Variants in MAST3 observed in about 807,000 individuals in gnomAD.
MAST3 encodes the protein microtubule-associated serine/threonine-protein kinase 3.
Under a neutral mutation model 127.0 loss-of-function variants are expected in MAST3, and 43 were observed. The observed-to-expected ratio is 0.34, with a 90% confidence interval of 0.27 to 0.44. The LOEUF (loss-of-function observed/expected upper bound fraction) is 0.44, where lower values mean the gene tolerates loss of function less well. MAST3 is among the 20% of genes least tolerant of loss of function. The pLI, the probability that MAST3 is intolerant of heterozygous loss-of-function variation, is 1.00. For missense variants in MAST3, 1,390 were observed against 1,919.1 expected, an observed-to-expected ratio of 0.72 and a Z score of 5.15; for synonymous variants, 785 against 809.2, an observed-to-expected ratio of 0.97 and a Z score of 0.51.
Position 18,110,388 on chromosome 19 carries a change from G to T in MAST3, c.72-264G>T, listed in dbSNP as rs879758353. On this transcript the variant is annotated intron_variant, in intron 2 of 27. Coordinates refer to ENST00000687212, the MANE Select transcript of MAST3 (RefSeq NM_001393504.1). This position sits in a 1 kb window ranked among gnomAD's most constrained non-coding sequence, Gnocchi z 4.3. ...TCGAGTGAGTGTTGGGCAGGGCGGG[G>T]GTATGCGGGGTGCAGGGAGGACAGG... is the stretch of plus-strand genomic sequence containing the variant. 5 of 985,442 alleles carry T rather than the reference G, an allele frequency of 5.1e-6. No individual in the cohort carries two copies. Among genetic ancestry groups the T allele is most frequent in the South Asian group, 4.7e-5 (1 of 21,302 alleles). The allele number at this position is 985,442 out of a possible 1,614,324, so 61.0% of individuals were successfully genotyped here.
Position 18,124,366 on chromosome 19 carries a change from G to A in MAST3, c.945G>A (p.Leu315=), listed in dbSNP as rs755280460. 5.6e-6 allele frequency: 9 copies of A among 1,597,680 alleles called. No homozygotes were observed. The highest frequency in any genetic ancestry group is 5.1e-6 in the Non-Finnish European group (6 of 1,171,992). ...GGCCAGCTCGGCTGCTGGAGTGTCT[G>A]GTAAGTTTCTCTTTCTACGGCCAGC... The part of the protein sequence containing the change: ...ISRPARLLEC[L]EFDPEEFYHL... Residue 315 remains leucine (L), a splice_region_variant and synonymous_variant, in exon 10 of 28, where the codon CTG becomes CTA. Transcript: ENST00000687212.
Position 18,124,678 on chromosome 19 carries a change from G to A in MAST3, c.982G>A (p.Ala328Thr). The A allele has an allele frequency of 6.2e-7, 1 of 1,609,020 alleles. No individual in the cohort carries two copies. The highest frequency in any genetic ancestry group is 1.1e-5 in the South Asian group (1 of 90,646). ...TGAGGAATTTTACCACCTGCTGGAG[G>A]CGGCTGAGGGCCATGCGCGGGAGGG... is the stretch of plus-strand genomic sequence containing the variant. ...DPEEFYHLLE[A>T]AEGHAREGQG... The change falls in exon 11 of 28, where the codon GCG (alanine) becomes ACG (threonine). Residue 328 changes from alanine to threonine, a missense_variant. Physicochemically the swap from Ala to Thr is moderately conservative, Grantham distance 58. This residue lies in a region of MAST3 where 277 missense variants were observed against 384.8 expected (regional missense o/e 0.72). Transcript: ENST00000687212.
intron 11 of MAST3, 34 bp from the exon 12 acceptor site, chr19:18,128,360 GCAGGGA>G: frequency 6.6e-7 from 1 of 1,504,104 alleles, no homozygotes. Context: ...GCAGGGTGAG[GCAGGGA>G]GGCTCCAGCT....
At position 18,124,588 on chromosome 19, in the gene MAST3, AG is replaced by A. The variant is rs1318891340; in HGVS notation, c.946-53del. On this transcript the variant is annotated intron_variant, in intron 10 of 27. Transcript: ENST00000687212. ...TCCAGGCAGAGGGAACAGCATGTGC[AG>A]AGGCCTGCAGGTGGAACCAAGCCCT... is the stretch of plus-strand genomic sequence containing the variant. 36 of 1,519,022 alleles carry A rather than the reference AG, an allele frequency of 2.4e-5. No individual in the cohort carries two copies. The African/African-American group carries it at 4.4e-4, about 19-fold the overall frequency. The allele number at this position is 1,519,022 out of a possible 1,614,324, so 94.1% of individuals were successfully genotyped here.
Position 18,142,005 on chromosome 19 carries a change from G to A in MAST3, c.2329G>A (p.Ala777Thr). ...AGTGGACTATGGCCGCCGGCTGAGT[G>A]CTGACATCCGGTAAGTGGCCTGGGG... ...SEVDYGRRLS[A>T]DIRLRSWTSS... The change falls in exon 21 of 28, where the codon GCT (alanine) becomes ACT (threonine). Residue 777 changes from alanine (A) to threonine (T), a missense_variant. Transcript: ENST00000687212. The A allele has an allele frequency of 6.7e-7, 1 of 1,498,384 alleles. No homozygotes were observed. 92.8% of individuals were successfully genotyped at this position (1,498,384 alleles called of 1,614,324 possible).
At chr19:18,109,998 G>T in intron 2 of MAST3, 1 of 985,326 alleles carries the variant, frequency 1.0e-6, no homozygotes, top group Non-Finnish European at 1.2e-6. Flanking sequence ...CTTCCGGGGC[G>T]CAGCTCGGGG....
In MAST3 at chr19:18,110,394, C is replaced by T. The variant is rs2038452669; in HGVS notation, c.72-258C>T. 1.3e-5 allele frequency: 13 copies of T among 985,506 alleles called. No homozygotes were observed. Among genetic ancestry groups the T allele is most frequent in the Non-Finnish European group, 1.6e-5 (13 of 829,958 alleles). 61.0% of individuals were successfully genotyped at this position (985,506 alleles called of 1,614,324 possible). A position where few individuals can be genotyped will look rare whatever the true frequency, so the allele number is the denominator to read the frequency against. ...GAGTGTTGGGCAGGGCGGGGGTATG[C>T]GGGGTGCAGGGAGGACAGGATGACA... is the stretch of plus-strand genomic sequence containing the variant. On this transcript the variant is annotated intron_variant, in intron 2 of 27. Coordinates refer to ENST00000687212, the MANE Select transcript of MAST3 (RefSeq NM_001393504.1). This position sits in a 1 kb window ranked among gnomAD's most constrained non-coding sequence, Gnocchi z 4.3.
intron 17 of MAST3, 30 bp downstream of exon 17, chr19:18,135,012 G>C: frequency 6.4e-7 from 1 of 1,564,954 alleles, no homozygotes. Flanking sequence ...CTGGGTTTGA[G>C]CTGCAGCCCC....
At position 18,135,714 on chromosome 19, in the gene MAST3, C is replaced by T. The variant is rs756601357; in HGVS notation, c.1871-26C>T. 70 of 1,562,338 alleles carry T rather than the reference C, an allele frequency of 4.5e-5. No homozygotes were observed. In the Middle Eastern group the frequency reaches 1.2e-3, roughly 26 times the overall value. ...TACCCTGCCTTCTCCCTCCCTCCCT[C>T]ATTTTACCTCCCTCCCTCATTTTAG... is the stretch of plus-strand genomic sequence containing the variant. On this transcript the variant is annotated intron_variant, in intron 17 of 27. Transcript: ENST00000687212.
chr19:18,145,928 T>G lies in MAST3; in HGVS notation c.3162+63T>G. The G allele has an allele frequency of 6.7e-7, 1 of 1,501,610 alleles. No individual in the cohort carries two copies. Among genetic ancestry groups the G allele is most frequent in the Non-Finnish European group, 8.8e-7 (1 of 1,133,064 alleles). 93.0% of individuals were successfully genotyped at this position (1,501,610 alleles called of 1,614,324 possible). ...GCACCCCTTGGCCGCAGCTCCCGGT[T>G]CCCCGTGGTTCTCCGCGTCCAGACA... On this transcript the variant is annotated intron_variant, in intron 25 of 27. Coordinates refer to ENST00000687212, the MANE Select transcript of MAST3 (RefSeq NM_001393504.1). The surrounding 1 kb of genome is among the most constrained non-coding windows in gnomAD (Gnocchi z 5.9).
intron 3 of MAST3, among the ~76,000 whole-genome samples, chr19:18,118,465 G>C (rs887397204): frequency 6.6e-6 from 1 of 152,134 alleles, no homozygotes; most frequent in Non-Finnish European, 1.5e-5. Flanking sequence ...GTGTCTGTCC[G>C]CCAGCGTCGC....
Position 18,144,151 on chromosome 19 carries a change from A to T in MAST3, c.2584+144A>T, listed in dbSNP as rs1307331237. The stretch of plus-strand genomic sequence containing the variant: ...GAGGAGAAGCCAGGGTCCCAGAGAG[A>T]CCCCCAGCCCCCAAGGAACCCCAGT... On this transcript the variant is annotated intron_variant, in intron 22 of 27. Transcript: ENST00000687212. The surrounding 1 kb of genome is among the most constrained non-coding windows in gnomAD (Gnocchi z 4.0). 68 of 1,229,714 alleles carry T rather than the reference A, an allele frequency of 5.5e-5. No individual in the cohort carries two copies. The highest frequency in any genetic ancestry group is 7.3e-5 in the Non-Finnish European group (66 of 909,698). The allele number at this position is 1,229,714 out of a possible 1,614,324, so 76.2% of individuals were successfully genotyped here. A position where few individuals can be genotyped will look rare whatever the true frequency, so the allele number is the denominator to read the frequency against.
intron 15 of MAST3, among the ~76,000 whole-genome samples, chr19:18,132,298 G>A (rs751921143): frequency 2.6e-5 from 4 of 152,184 alleles, no homozygotes; most frequent in African/African-American, 4.8e-5. Flanking sequence ...GGGAAGGCCG[G>A]TGCACTTATG....
chr19:18,108,352 T>G (rs780489441), intron 2 of MAST3, among the ~76,000 whole-genome samples: 2 of 40,354 alleles, frequency 5.0e-5, no homozygotes, highest in Middle Eastern at 0.012. Flanking sequence ...GTAGGTTGGG[T>G]TTTTTTTTTT....
intron 11 of MAST3, among the ~76,000 whole-genome samples, chr19:18,128,112 G>A (rs1474635073): frequency 6.6e-6 from 1 of 152,188 alleles, no homozygotes; most frequent in Non-Finnish European, 1.5e-5. Flanking sequence ...TGACACCCAG[G>A]GGGCCTGTGT....
chr19:18,144,629 C>T lies in MAST3; in HGVS notation c.2748C>T (p.Gly916=), dbSNP rs757196083. ...CCTCCTCCAGCGGTGGCAGTGGTGG[C>T]GGCAGTGGGGGCCGCGTGCCCAAGT... The part of the protein sequence containing the change: ...SRASSSGGSG[G]GSGGRVPKSA... The change falls in exon 23 of 28, where the codon GGC becomes GGT. Residue 916 remains glycine (G), a synonymous_variant. Coordinates refer to ENST00000687212, the MANE Select transcript of MAST3 (RefSeq NM_001393504.1). This position sits in a 1 kb window ranked among gnomAD's most constrained non-coding sequence, Gnocchi z 4.0. 15 of 1,611,378 alleles carry T rather than the reference C, an allele frequency of 9.3e-6. No individual in the cohort carries two copies. The highest frequency in any genetic ancestry group is 4.5e-5 in the East Asian group (2 of 44,896).
intron 11 of MAST3, among the ~76,000 whole-genome samples, chr19:18,125,806 T>C (rs1477522911): frequency 2.6e-5 from 4 of 151,452 alleles, no homozygotes; most frequent in Non-Finnish European, 5.9e-5. Flanking sequence ...AATCCCATAA[T>C]CCCAGCACTT....
intron 21 of MAST3, among the ~76,000 whole-genome samples, chr19:18,142,221 T>C (rs1453971048): frequency 6.6e-6 from 1 of 152,146 alleles, no homozygotes; most frequent in Non-Finnish European, 1.5e-5. Context: ...TGTACCATCA[T>C]GCTGCTAGGC....
chr19:18,147,179 C>T (rs2043118531), intron 26 of MAST3, 135 bp downstream of exon 26: 6 of 464,222 alleles, frequency 1.3e-5, no homozygotes, highest in Non-Finnish European at 1.7e-5. Context: ...TCTCGGCTCA[C>T]TGCAACCTCC....
Sources: allele counts gnomAD v4.1 joint callset (sites outside exome capture counted in the v4.1 genomes callset), GRCh38; gene constraint gnomAD v4.1.1; regional missense constraint gnomAD v4.1.1; non-coding constraint Gnocchi (gnomAD v3.1); transcripts MANE v1.5; gene names NCBI Gene and HGNC (gene_info 2026-07-23, HGNC 2026-07-21).